The following ATP11A variants were observed in gnomAD, a reference collection of about 807,000 sequenced individuals.
The protein encoded by ATP11A is ATPase phospholipid transporting 11A, also known as phospholipid-transporting ATPase IH.
A neutral mutation model predicts 154.4 loss-of-function variants in ATP11A; 81 were observed. The observed-to-expected ratio is 0.52, with a 90% CI of 0.44 to 0.63. The LOEUF (loss-of-function observed/expected upper bound fraction) is 0.63, where lower values mean the gene tolerates loss of function less well. Ranked by LOEUF, ATP11A falls within the 30% of genes least tolerant of loss-of-function variation. ATP11A has a pLI of 0.00. For missense variants in ATP11A, 1,316 were observed against 1,474.3 expected (o/e 0.89, Z 1.76); for synonymous variants, 623 against 585.9 (o/e 1.06, Z -0.91).
chr13:112,851,106 C>T lies in ATP11A; in HGVS notation c.1879C>T (p.Leu627=). The T allele has an allele frequency of 6.2e-7, 1 of 1,614,238 alleles. No homozygotes were observed. The highest frequency in any genetic ancestry group is 8.5e-7 in the Non-Finnish European group (1 of 1,180,040). Residue 627 remains leucine, a synonymous_variant, in exon 18 of 30, where the codon CTG becomes TTG. Transcript: ENST00000375645. ...IQEEYEGICK[L]LQAAKVALQD... ...AGAAGAATATGAAGGCATTTGTAAG[C>T]TGCTGCAGGCTGCCAAAGTGGCCCT...
At chr13:112,711,036 C>T (rs1887683055) in intron 1 of ATP11A, among the ~76,000 whole-genome samples, 1 of 129,308 alleles carries the variant, frequency 7.7e-6, no homozygotes, top group Non-Finnish European at 1.6e-5. Flanking sequence ...CAGAGGTCAC[C>T]AGAGGCTGCT....
In ATP11A at chr13:112,805,002, A is replaced by G. The variant is rs1370737444; in HGVS notation, c.208A>G (p.Arg70Gly). Residue 70 changes from arginine to glycine, a missense_variant, in exon 3 of 30, where the codon AGA (arginine) becomes GGA (glycine). Transcript: ENST00000375645. ...ACCCAAGAATTTATTTGAACAATTC[A>G]GAAGAGTAGCCAACTTTTATTTCCT... ...FIPKNLFEQF[R>G]RVANFYFLII... is the part of the protein sequence containing the mutation. 4.3e-6 allele frequency: 7 copies of G among 1,612,494 alleles called. No individual in the cohort carries two copies. Among genetic ancestry groups the G allele is most frequent in the Non-Finnish European group, 5.9e-6 (7 of 1,179,446 alleles).
rs769716430 is a variant in ATP11A at position 112,785,204 on chromosome 13, G to A, written c.109G>A (p.Ala37Thr). ...GGGACACAGGGAGCCACCTCCGGGC[G>A]CAGAGGCCTACATCCCACAGAGATA... ...YVGHREPPPG[A>T]EAYIPQRYPD... The change falls in exon 2 of 30, where the codon GCA becomes ACA. Residue 37 changes from alanine (A) to threonine (T), a missense_variant. Ala to Thr is a moderately conservative substitution (Grantham distance 58). Transcript: ENST00000375645. This position sits in a 1 kb window ranked among gnomAD's most constrained non-coding sequence, Gnocchi z 4.8. 7.0e-6 allele frequency: 11 copies of A among 1,577,180 alleles called. No individual in the cohort carries two copies. Among genetic ancestry groups the A allele is most frequent in the African/African-American group, 2.7e-5 (2 of 73,044 alleles).
At chr13:112,874,959 T>A (rs1036868717) in intron 27 of ATP11A, among the ~76,000 whole-genome samples, 1 of 152,106 alleles carries the variant, frequency 6.6e-6, no homozygotes, top group Admixed American at 6.5e-5. Flanking sequence ...TCACATTGTT[T>A]CCTAAAACAT....
intron 1 of ATP11A, among the ~76,000 whole-genome samples, chr13:112,718,365 G>A (rs1215795082): frequency 6.6e-6 from 1 of 152,176 alleles, no homozygotes; most frequent in Non-Finnish European, 1.5e-5. Flanking sequence ...AATTTTATTT[G>A]TTAGCCAGCC....
intron 2 of ATP11A, among the ~76,000 whole-genome samples, chr13:112,787,277 T>G (rs1468592748): frequency 5.7e-3 from 713 of 125,684 alleles, no homozygotes; most frequent in African/African-American, 0.029. Context: ...TAGACTCCTG[T>G]GGATACCTAC....
intron 1 of ATP11A, among the ~76,000 whole-genome samples, chr13:112,736,116 C>G (rs576316487): frequency 6.6e-6 from 1 of 152,308 alleles, no homozygotes; most frequent in East Asian, 1.9e-4. Context: ...ACCATGGTGC[C>G]AGGATGCGGG....
At chr13:112,881,397 T>C (rs2080880118) in intron 29 of ATP11A, 1 of 1,041,432 alleles carries the variant, frequency 9.6e-7, no homozygotes, top group Non-Finnish European at 1.2e-6. Flanking sequence ...GGGGCCTGCC[T>C]TCCCTGGGGC....
chr13:112,858,056 T>G, intron 21 of ATP11A, 89 bp from the exon 22 acceptor site: 1 of 1,579,970 alleles, frequency 6.3e-7, no homozygotes, highest in South Asian at 1.1e-5. Flanking sequence ...AGGCTCATGA[T>G]GATGGTTTCA....
chr13:112,861,969 T>C lies in ATP11A; in HGVS notation c.2856-471T>C, dbSNP rs182863856. Among the ~76,000 whole-genome samples, 11 of 108,890 alleles carry C rather than the reference T, an allele frequency of 1.0e-4. 1 individual carries two copies. Among genetic ancestry groups the C allele is most frequent in the Admixed American group, 3.2e-4 (3 of 9,360 alleles). The allele number at this position is 108,890 out of a possible 152,430, so 71.4% of individuals were successfully genotyped here. A position where few individuals can be genotyped will look rare whatever the true frequency, so the allele number is the denominator to read the frequency against. On this transcript the variant is annotated intron_variant, in intron 24 of 29. Coordinates refer to ENST00000375645, the MANE Select transcript of ATP11A (RefSeq NM_015205.3). ...AAGGAATCCTGCAAATTCTGTCTTA[T>C]TGAACAGGCATAAGGTGTCACGTCA...
At position 112,831,431 on chromosome 13, in the gene ATP11A, C is replaced by T. The variant is rs1159092952; in HGVS notation, c.1278C>T (p.Phe426=). The T allele has an allele frequency of 1.9e-6, 3 of 1,614,082 alleles. No homozygotes were observed. The South Asian group carries it at 3.3e-5, about 18-fold the overall frequency. The change falls in exon 13 of 30, where the codon TTC becomes TTT. Residue 426 remains phenylalanine (F), a synonymous_variant. Transcript: ENST00000375645. The stretch of plus-strand genomic sequence containing the variant: ...CCCTCACGGAAAACAACATGGAGTT[C>T]AAGGAGTGCTGCATCGAAGGCCATG... ...TGTLTENNME[F]KECCIEGHVY...
chr13:112,861,151 T>G (rs748316223), intron 24 of ATP11A, among the ~76,000 whole-genome samples: 1 of 152,098 alleles, frequency 6.6e-6, no homozygotes, highest in Non-Finnish European at 1.5e-5. Context: ...ATCGTGAGAC[T>G]TAGTCACTAT....
chr13:112,832,841 G>A lies in ATP11A; in HGVS notation c.1396-19G>A. 1 of 1,609,428 alleles carries A rather than the reference G, an allele frequency of 6.2e-7. No individual in the cohort carries two copies. The highest frequency in any genetic ancestry group is 1.7e-4 in the Middle Eastern group (1 of 6,036). ...GGACGCACCGTGATTTGGGGGTTCT[G>A]GGAACTGCTTTTTTATAGGAGCGCG... On this transcript the variant is annotated intron_variant, in intron 13 of 29. Coordinates refer to ENST00000375645, the MANE Select transcript of ATP11A (RefSeq NM_015205.3).
chr13:112,770,648 G>T, intron 1 of ATP11A, among the ~76,000 whole-genome samples: 1 of 152,202 alleles, frequency 6.6e-6, no homozygotes, highest in Non-Finnish European at 1.5e-5. Context: ...TCCACCTGCG[G>T]AGGGCCTGTT....
rs1885846455 is a variant in ATP11A at position 112,696,645 on chromosome 13, G to A, written c.39+6190G>A. ...TTAGGTTACCCCGCGTAGCTGGCCC[G>A]TCCTTCCTTCTCCTGTCTCTTCTGT... On this transcript the variant is annotated intron_variant, in intron 1 of 29. Coordinates refer to ENST00000375645, the MANE Select transcript of ATP11A (RefSeq NM_015205.3). The surrounding 1 kb of genome is among the most constrained non-coding windows in gnomAD (Gnocchi z 6.2). Among the ~76,000 whole-genome samples, 1 of 152,096 alleles carries A rather than the reference G, an allele frequency of 6.6e-6. No homozygotes were observed. Among genetic ancestry groups the A allele is most frequent in the Non-Finnish European group, 1.5e-5 (1 of 68,018 alleles).
chr13:112,742,099 G>A (rs1891626186), intron 1 of ATP11A, among the ~76,000 whole-genome samples: 2 of 152,156 alleles, frequency 1.3e-5, no homozygotes, highest in South Asian at 2.1e-4. Flanking sequence ...TGGGTGGTGC[G>A]GGGTGAACGC....
At chr13:112,722,613 T>C (rs774272546) in intron 1 of ATP11A, among the ~76,000 whole-genome samples, 1 of 152,238 alleles carries the variant, frequency 6.6e-6, no homozygotes, top group Non-Finnish European at 1.5e-5. Flanking sequence ...GTTTTCAGGA[T>C]AACTTTGGAG....
intron 6 of ATP11A, 97 bp from the exon 7 acceptor site, chr13:112,819,207 G>T: frequency 1.0e-6 from 1 of 970,712 alleles, no homozygotes; most frequent in Non-Finnish European, 1.7e-6. Flanking sequence ...AACTCATAGG[G>T]TCAGCCAGGC....
At chr13:112,764,917 G>T (rs1478851609) in intron 1 of ATP11A, among the ~76,000 whole-genome samples, 2 of 152,314 alleles carry the variant, frequency 1.3e-5, no homozygotes, top group East Asian at 3.9e-4. Context: ...CTACCAGTCT[G>T]GGCTGGTAGA....
Sources: gnomAD v4.1 joint callset for allele counts (sites outside exome capture counted in the v4.1 genomes callset) on GRCh38, gnomAD v4.1.1 for gene constraint, Gnocchi (gnomAD v3.1) non-coding constraint, MANE v1.5 for transcripts, NCBI Gene and HGNC (gene_info 2026-07-23, HGNC 2026-07-21) for gene names.